Variants in PLXNC1 observed in about 807,000 individuals in gnomAD.
PLXNC1 encodes plexin C1.
A neutral mutation model predicts 178.2 loss-of-function variants in PLXNC1; 75 were observed. The observed-to-expected ratio is 0.42, with a 90% CI of 0.35 to 0.51. The LOEUF (loss-of-function observed/expected upper bound fraction) is 0.51, where lower values mean the gene tolerates loss of function less well. Among genes scored for constraint, PLXNC1 ranks in the 20% least tolerant of loss-of-function variants. PLXNC1 has a pLI of 0.02. For synonymous variants in PLXNC1, 790 were observed against 779.9 expected (o/e 1.01, Z -0.22); for missense variants, 1,503 against 1,984.4 (o/e 0.76, Z 4.61).
chr12:94,182,339 G>A (rs1962337905), intron 3 of PLXNC1, among the ~76,000 whole-genome samples: 1 of 148,038 alleles, frequency 6.8e-6, no homozygotes, highest in Admixed American at 6.9e-5. Context: ...GATCACTTGA[G>A]GCCAGGAGTT....
intron 5 of PLXNC1, among the ~76,000 whole-genome samples, chr12:94,216,648 T>C (rs1267552396): frequency 6.6e-6 from 1 of 152,184 alleles, no homozygotes; most frequent in Non-Finnish European, 1.5e-5. Flanking sequence ...AGGAAATAAC[T>C]TGAAAGAAGA....
At chr12:94,191,839 A>G (rs1245128897) in intron 4 of PLXNC1, among the ~76,000 whole-genome samples, 1 of 152,194 alleles carries the variant, frequency 6.6e-6, no homozygotes, top group African/African-American at 2.4e-5. Flanking sequence ...TGAGCTCTAA[A>G]AAGTCTAGTA....
intron 2 of PLXNC1, among the ~76,000 whole-genome samples, chr12:94,173,068 C>G (rs1961906475): frequency 6.6e-6 from 1 of 152,120 alleles, no homozygotes; most frequent in Non-Finnish European, 1.5e-5. Flanking sequence ...AGTTATTTCC[C>G]CATCCTGCTT....
chr12:94,265,011 CT>C, intron 20 of PLXNC1, 67 bp from the exon 21 acceptor site: 1 of 1,516,326 alleles, frequency 6.6e-7, no homozygotes, highest in East Asian at 2.3e-5. Flanking sequence ...TAAACAGAAA[CT>C]TTAATTCTTT....
intron 9 of PLXNC1, among the ~76,000 whole-genome samples, chr12:94,231,379 A>C (rs1206088344): frequency 6.6e-6 from 1 of 152,158 alleles, no homozygotes; most frequent in African/African-American, 2.4e-5. Flanking sequence ...TATGAGACAC[A>C]AGGTTGAAAT....
At chr12:94,217,855 G>C (rs952805626) in intron 5 of PLXNC1, among the ~76,000 whole-genome samples, 1 of 152,104 alleles carries the variant, frequency 6.6e-6, no homozygotes, top group Admixed American at 6.5e-5. Flanking sequence ...ATAGCTGTTT[G>C]GTTCACTGGT....
At chr12:94,237,941 G>T in intron 10 of PLXNC1, 138 bp downstream of exon 10, 1 of 723,078 alleles carries the variant, frequency 1.4e-6, no homozygotes, top group Non-Finnish European at 2.2e-6. Flanking sequence ...CAGAGTATTT[G>T]ACATAATATA....
At position 94,260,503 on chromosome 12, in the gene PLXNC1, A is replaced by G. The variant is rs1282934239; in HGVS notation, c.3252-139A>G. On this transcript the variant is annotated intron_variant, in intron 19 of 30. Coordinates refer to ENST00000258526, the MANE Select transcript of PLXNC1 (RefSeq NM_005761.3). This position sits in a 1 kb window ranked among gnomAD's most constrained non-coding sequence, Gnocchi z 4.4. ...CTAGAGATAGAAGTGGTTAGAATCTAAACATTAAAAAAAAAAAAAAAAAAG... is the reference window on the plus strand; with the variant it reads ...CTAGAGATAGAAGTGGTTAGAATCTGAACATTAAAAAAAAAAAAAAAAAAG... 3.5e-6 allele frequency: 2 copies of G among 577,100 alleles called. No individual in the cohort carries two copies. The highest frequency in any genetic ancestry group is 2.9e-6 in the Non-Finnish European group (1 of 339,792). 35.7% of individuals were successfully genotyped at this position (577,100 alleles called of 1,614,324 possible).
intron 6 of PLXNC1, 32 bp downstream of exon 6, chr12:94,220,195 T>TA (rs756968413): frequency 6.3e-7 from 1 of 1,597,150 alleles, no homozygotes; most frequent in South Asian, 1.1e-5. Flanking sequence ...ATTTTTGTTA[T>TA]AAAATCAAAA....
At chr12:94,265,574 C>T (rs940937019) in intron 21 of PLXNC1, among the ~76,000 whole-genome samples, 1 of 152,176 alleles carries the variant, frequency 6.6e-6, no homozygotes, top group Non-Finnish European at 1.5e-5. Context: ...AATGGCTCTG[C>T]TCTGGGAAGA....
At position 94,275,582 on chromosome 12, in the gene PLXNC1, G is replaced by A. The variant is rs985423408; in HGVS notation, c.3598-3890G>A. 7.0e-5 allele frequency among the ~76,000 whole-genome samples: 6 copies of A among 86,162 alleles called. 1 individual carries two copies. The highest frequency in any genetic ancestry group is 3.3e-4 in the East Asian group (1 of 3,028). The allele number at this position is 86,162 out of a possible 152,430, so 56.5% of individuals were successfully genotyped here. A position where few individuals can be genotyped will look rare whatever the true frequency, so the allele number is the denominator to read the frequency against. Reference sequence around the variant, plus strand: ...AAGAAACTGCTGTTTGGCCGGGCGCGGTGGCTCACGCCTGTAATCCCAGCA... The same window carrying A: ...AAGAAACTGCTGTTTGGCCGGGCGCAGTGGCTCACGCCTGTAATCCCAGCA... On this transcript the variant is annotated intron_variant, in intron 21 of 30. Coordinates refer to ENST00000258526, the MANE Select transcript of PLXNC1 (RefSeq NM_005761.3).
chr12:94,305,251 T>C lies in PLXNC1; in HGVS notation c.4673T>C (p.Leu1558Ser). The C allele has an allele frequency of 6.2e-7, 1 of 1,611,192 alleles. No homozygotes were observed. The highest frequency in any genetic ancestry group is 1.1e-5 in the South Asian group (1 of 90,846). ...AAACAACTCTTGCATGTAAAAGTCT[T>C]ATTTGATGAAAAGAAGAAATGCAAG... is the stretch of plus-strand genomic sequence containing the variant. ...AQKQLLHVKV[L>S]FDEKKKCKWM The change falls in exon 31 of 31, where the codon TTA (leucine) becomes TCA (serine). Residue 1558 changes from leucine to serine, a missense_variant. Coordinates refer to ENST00000258526, the MANE Select transcript of PLXNC1 (RefSeq NM_005761.3).
chr12:94,267,675 G>A (rs1225142698), intron 21 of PLXNC1, among the ~76,000 whole-genome samples: 5 of 152,168 alleles, frequency 3.3e-5, no homozygotes, highest in African/African-American at 1.2e-4. Context: ...TTCATGGTTG[G>A]CAGTTGTACG....
rs775626758 is a variant in PLXNC1, at chr12:94,149,258, C to T, written c.287C>T (p.Pro96Leu). Reference sequence around the variant, plus strand: ...ACAGAGCCGGTCTCGCTGGCGCCCCCCGCGCGGCCCCGGCCCGGGAGCAGC... The same window carrying T: ...ACAGAGCCGGTCTCGCTGGCGCCCCTCGCGCGGCCCCGGCCCGGGAGCAGC... ...NCTEPVSLAP[P>L]ARPRPGSSFS... Residue 96 changes from proline to leucine, a missense_variant, in exon 1 of 31, where the codon CCC becomes CTC. Pro to Leu is a moderately conservative substitution (Grantham distance 98). Transcript: ENST00000258526. The T allele has an allele frequency of 4.5e-6, 7 of 1,540,278 alleles. No individual in the cohort carries two copies. The South Asian group carries it at 7.2e-5, about 16-fold the overall frequency.
intron 4 of PLXNC1, among the ~76,000 whole-genome samples, chr12:94,192,249 G>A (rs1962753650): frequency 1.3e-5 from 2 of 152,132 alleles, no homozygotes; most frequent in African/African-American, 2.4e-5. Flanking sequence ...GCCATTCTTG[G>A]CTTTAAGGAA....
At chr12:94,208,794 G>A (rs1963381946) in intron 4 of PLXNC1, among the ~76,000 whole-genome samples, 1 of 152,192 alleles carries the variant, frequency 6.6e-6, no homozygotes. Context: ...CCCGTCTGGT[G>A]AGGCAAGGGT....
intron 21 of PLXNC1, among the ~76,000 whole-genome samples, chr12:94,278,761 G>A (rs1006466074): frequency 2.0e-5 from 3 of 152,150 alleles, no homozygotes; most frequent in African/African-American, 7.2e-5. Context: ...ACTTTGGGAG[G>A]CTGAGGTGGG....
chr12:94,285,195 G>A (rs1302618792), intron 23 of PLXNC1, among the ~76,000 whole-genome samples: 4 of 152,140 alleles, frequency 2.6e-5, no homozygotes, highest in South Asian at 2.1e-4. Flanking sequence ...CCAGCACACC[G>A]GGAGGGTAGG....
At position 94,166,073 on chromosome 12, in the gene PLXNC1, G is replaced by T. The variant is rs74381161; in HGVS notation, c.1063-3080G>T. On this transcript the variant is annotated intron_variant, in intron 1 of 30. Coordinates refer to ENST00000258526, the MANE Select transcript of PLXNC1 (RefSeq NM_005761.3). ...CAATAGGGAATGGAGCTGCCATTTG[G>T]CTTGGCCCAACGATAGCTTCCACCA... 7.9e-5 allele frequency among the ~76,000 whole-genome samples: 12 copies of T among 152,228 alleles called. 1 individual carries two copies. Among genetic ancestry groups the T allele is most frequent in the African/African-American group, 2.9e-4 (12 of 41,568 alleles).
Sources: gnomAD v4.1 joint callset for allele counts (sites outside exome capture counted in the v4.1 genomes callset) on GRCh38, gnomAD v4.1.1 for gene constraint, Gnocchi (gnomAD v3.1) non-coding constraint, MANE v1.5 for transcripts, NCBI Gene and HGNC (gene_info 2026-07-23, HGNC 2026-07-21) for gene names.